The following CNTN5 variants were observed in gnomAD, a reference collection of about 807,000 sequenced individuals.
CNTN5 encodes contactin 5.
CNTN5 carries 77 observed loss-of-function variants against 129.1 expected under a neutral mutation model. The observed-to-expected ratio is 0.60, with a 90% CI of 0.50 to 0.72. The LOEUF is 0.72. Ranked by LOEUF, CNTN5 falls within the 30% of genes least tolerant of loss-of-function variation. CNTN5 has a pLI of 0.00. For synonymous variants in CNTN5, 509 were observed against 465.6 expected, an observed-to-expected ratio of 1.09 and a Z score of -1.20; for missense variants, 1,478 against 1,328.8, an observed-to-expected ratio of 1.11 and a Z score of -1.75.
At chr11:99,619,486 T>C (rs1250167564) in intron 3 of CNTN5, among the ~76,000 whole-genome samples, 3 of 152,162 alleles carry the variant, frequency 2.0e-5, no homozygotes, top group African/African-American at 7.2e-5. Flanking sequence ...TCCATGGAGC[T>C]GTCATCACCA....
chr11:100,355,984 T>C (rs898719242), intron 24 of CNTN5, 133 bp from the exon 25 acceptor site: 10 of 627,016 alleles, frequency 1.6e-5, no homozygotes, highest in Non-Finnish European at 2.3e-5. Flanking sequence ...TCTGATTTTA[T>C]AAATATAAAG....
intron 3 of CNTN5, among the ~76,000 whole-genome samples, chr11:99,677,272 A>G (rs561168590): frequency 6.6e-6 from 1 of 152,128 alleles, no homozygotes; most frequent in African/African-American, 2.4e-5. Flanking sequence ...TGTTTAACTT[A>G]TCTCAGAGAC....
At chr11:99,454,184 A>G (rs1464374945) in intron 2 of CNTN5, among the ~76,000 whole-genome samples, 1 of 152,182 alleles carries the variant, frequency 6.6e-6, no homozygotes. Flanking sequence ...AAATATACCA[A>G]TAAAGGAGGG....
At chr11:99,645,259 CAACAAAAA>C (rs1156828151) in intron 3 of CNTN5, among the ~76,000 whole-genome samples, 2 of 67,916 alleles carry the variant, frequency 2.9e-5, no homozygotes, top group Non-Finnish European at 5.2e-5. Flanking sequence ...GGCTCCATCT[CAACAAAAA>C]AAAAAAAAAA....
At chr11:99,721,426 C>T (rs1395896626) in intron 3 of CNTN5, among the ~76,000 whole-genome samples, 1 of 152,072 alleles carries the variant, frequency 6.6e-6, no homozygotes, top group Non-Finnish European at 1.5e-5. Flanking sequence ...GACTGGCTAG[C>T]CATATGCAGA....
chr11:99,449,056 A>T (rs1944193965), intron 2 of CNTN5, among the ~76,000 whole-genome samples: 1 of 152,106 alleles, frequency 6.6e-6, no homozygotes, highest in Non-Finnish European at 1.5e-5. Flanking sequence ...TGCTGTGTTT[A>T]CAGGTGTGAG....
chr11:100,070,893 A>G (rs763565752), intron 11 of CNTN5, among the ~76,000 whole-genome samples: 9 of 151,950 alleles, frequency 5.9e-5, no homozygotes, highest in Non-Finnish European at 8.8e-5. Context: ...AACTATCAAT[A>G]TTATCATAGA....
chr11:99,621,560 C>T (rs668276), intron 3 of CNTN5, among the ~76,000 whole-genome samples: 68,372 of 151,516 alleles, frequency 0.45, 15,809 homozygotes, highest in Admixed American at 0.59. Flanking sequence ...TATTTGCTTG[C>T]GATATTTGGG....
intron 13 of CNTN5, among the ~76,000 whole-genome samples, chr11:100,119,023 C>T (rs1945928397): frequency 6.7e-6 from 1 of 149,462 alleles, no homozygotes; most frequent in South Asian, 2.1e-4. Context: ...CTTTTAGTCT[C>T]CTTTTTAAAA....
intron 2 of CNTN5, among the ~76,000 whole-genome samples, chr11:99,537,141 A>G (rs1032796606): frequency 1.3e-5 from 2 of 152,184 alleles, no homozygotes; most frequent in African/African-American, 2.4e-5. Context: ...GGAAAAAGGA[A>G]GAGCTGAAAT....
At chr11:99,565,604 T>C (rs960583720) in intron 3 of CNTN5, among the ~76,000 whole-genome samples, 2 of 152,168 alleles carry the variant, frequency 1.3e-5, no homozygotes, top group African/African-American at 4.8e-5. Context: ...AGAGAATCAT[T>C]TACAAACCAT....
intron 1 of CNTN5, among the ~76,000 whole-genome samples, chr11:99,067,421 G>A (rs1444261624): frequency 1.3e-4 from 13 of 102,822 alleles, no homozygotes; most frequent in South Asian, 3.5e-4. Context: ...AATCAATGTT[G>A]ACTAAAAAAA....
chr11:99,592,567 A>G (rs902288400), intron 3 of CNTN5, among the ~76,000 whole-genome samples: 1 of 152,198 alleles, frequency 6.6e-6, no homozygotes, highest in Non-Finnish European at 1.5e-5. Flanking sequence ...GAGGTCAAGA[A>G]CTGGACATCA....
intron 3 of CNTN5, among the ~76,000 whole-genome samples, chr11:99,559,152 T>C (rs1442708992): frequency 6.6e-6 from 1 of 152,134 alleles, no homozygotes; most frequent in African/African-American, 2.4e-5. Flanking sequence ...CTTTTAGCTG[T>C]ATATGAATGT....
intron 3 of CNTN5, among the ~76,000 whole-genome samples, chr11:99,624,901 A>G (rs934997520): frequency 2.6e-5 from 4 of 152,172 alleles, no homozygotes; most frequent in African/African-American, 9.7e-5. Flanking sequence ...GGGAGAATGT[A>G]GAAAAACAGC....
chr11:99,710,551 GTGTGTGTGTGTGTGCA>G (rs1171407200), intron 3 of CNTN5, among the ~76,000 whole-genome samples: 3 of 135,482 alleles, frequency 2.2e-5, no homozygotes, highest in Non-Finnish European at 3.1e-5. Context: ...TCTAGATTGT[GTGTGTGTGTGTGTGCA>G]TGTGTGTGTG....
chr11:99,407,808 G>A (rs1041387872), intron 2 of CNTN5, among the ~76,000 whole-genome samples: 2 of 152,100 alleles, frequency 1.3e-5, no homozygotes, highest in Non-Finnish European at 2.9e-5. Flanking sequence ...CAGGCATCAG[G>A]GGAGTTTGGT....
chr11:100,245,871 T>C (rs1195701364), intron 16 of CNTN5, among the ~76,000 whole-genome samples: 3 of 152,156 alleles, frequency 2.0e-5, no homozygotes, highest in African/African-American at 7.2e-5. Flanking sequence ...TTTTCATTTT[T>C]GGAAAAGGGG....
At chr11:99,661,689 A>G (rs142913668) in intron 3 of CNTN5, among the ~76,000 whole-genome samples, 343 of 152,224 alleles carry the variant, frequency 2.3e-3, no homozygotes, top group Non-Finnish European at 3.8e-3. Context: ...ATACACACAT[A>G]TATACATATA....
Sources: gnomAD v4.1 joint callset for allele counts (sites outside exome capture counted in the v4.1 genomes callset) on GRCh38, gnomAD v4.1.1 for gene constraint, MANE v1.5 for transcripts, NCBI Gene and HGNC (gene_info 2026-07-23, HGNC 2026-07-21) for gene names.